WDR70: variants seen among roughly 807,000 people sequenced by gnomAD.
WDR70 encodes the protein WD repeat domain 70.
WDR70 carries 53 observed loss-of-function variants against 88.6 expected under a neutral mutation model. That is an observed-to-expected ratio of 0.60 (90% CI 0.48 to 0.75). The LOEUF (loss-of-function observed/expected upper bound fraction) is 0.75. WDR70 is among the 30% of genes least tolerant of loss of function. The pLI is 0.00. For missense variants in WDR70, 610 were observed against 823.2 expected, an observed-to-expected ratio of 0.74 and a Z score of 3.17; for synonymous variants, 280 against 270.0, an observed-to-expected ratio of 1.04 and a Z score of -0.36.
At chr5:37,666,519 ATC>A (rs1432267557) in intron 10 of WDR70, among the ~76,000 whole-genome samples, 1 of 152,140 alleles carries the variant, frequency 6.6e-6, no homozygotes, top group East Asian at 1.9e-4. Context: ...TGATAATTTT[ATC>A]TGTTTTCAGA....
intron 9 of WDR70, among the ~76,000 whole-genome samples, chr5:37,557,959 T>TTTGAACACTCTTCA: frequency 6.8e-6 from 1 of 146,506 alleles, no homozygotes; most frequent in African/African-American, 2.5e-5. Context: ...AAAAGAGTAT[T>TTTGAACACTCTTCA]ATGTATATTT....
At chr5:37,398,229 C>T (rs928266810) in intron 5 of WDR70, among the ~76,000 whole-genome samples, 2 of 151,618 alleles carry the variant, frequency 1.3e-5, no homozygotes, top group African/African-American at 4.8e-5. Context: ...GCTGAGACTA[C>T]AGGCACCCGC....
intron 4 of WDR70, among the ~76,000 whole-genome samples, chr5:37,393,017 A>G (rs796112687): frequency 4.6e-5 from 7 of 151,982 alleles, no homozygotes; most frequent in African/African-American, 1.7e-4. Context: ...CAGAAAATCA[A>G]CGTTTGTTTC....
rs543754116 is a variant in WDR70 at position 37,652,563 on chromosome 5, T to C, written c.1093-45092T>C. On this transcript the variant is annotated intron_variant, in intron 10 of 17. Transcript: ENST00000265107. The stretch of plus-strand genomic sequence containing the variant: ...CCATTTTCACGACATTGATTCTTCC[T>C]GTCCATGAGCATGGAATCCTTTTCC... Among the ~76,000 whole-genome samples the C allele has an allele frequency of 4.8e-4, 73 of 152,366 alleles. 1 individual carries two copies. The highest frequency in any genetic ancestry group is 1.6e-3 in the African/African-American group (67 of 41,592).
chr5:37,477,016 G>C (rs1180864901), intron 7 of WDR70, among the ~76,000 whole-genome samples: 2 of 152,224 alleles, frequency 1.3e-5, no homozygotes, highest in African/African-American at 4.8e-5. Flanking sequence ...GACCCGTGCA[G>C]TTCAAACCTT....
At chr5:37,386,175 C>G (rs868379091) in intron 3 of WDR70, among the ~76,000 whole-genome samples, 1 of 151,954 alleles carries the variant, frequency 6.6e-6, no homozygotes, top group African/African-American at 2.4e-5. Context: ...TATCCTCAAA[C>G]GATGGACAAA....
chr5:37,671,698 T>C (rs906952283), intron 10 of WDR70, among the ~76,000 whole-genome samples: 2 of 152,208 alleles, frequency 1.3e-5, no homozygotes, highest in Non-Finnish European at 2.9e-5. Context: ...CCTGCATTGA[T>C]AGATACACTA....
At chr5:37,699,282 A>G (rs1322355371) in intron 11 of WDR70, among the ~76,000 whole-genome samples, 1 of 151,346 alleles carries the variant, frequency 6.6e-6, no homozygotes, top group Non-Finnish European at 1.5e-5. Context: ...AACTAAGTCT[A>G]TTTCAGTCAA....
intron 2 of WDR70, among the ~76,000 whole-genome samples, chr5:37,380,366 T>TC (rs1466815952): frequency 6.6e-6 from 1 of 151,808 alleles, no homozygotes; most frequent in Non-Finnish European, 1.5e-5. Context: ...GGAGACGGAG[T>TC]CTCGCTCAGT....
chr5:37,495,053 C>T (rs1293798945), intron 8 of WDR70, among the ~76,000 whole-genome samples: 1 of 152,228 alleles, frequency 6.6e-6, no homozygotes, highest in Non-Finnish European at 1.5e-5. Context: ...TAGCAGAGAG[C>T]ATGTGGCCCA....
At chr5:37,557,959 T>TTTGACTACTCTTCAACAGCGTATG in intron 9 of WDR70, among the ~76,000 whole-genome samples, 1 of 146,506 alleles carries the variant, frequency 6.8e-6, no homozygotes, top group African/African-American at 2.5e-5. Context: ...AAAAGAGTAT[T>TTTGACTACTCTTCAACAGCGTATG]ATGTATATTT....
intron 9 of WDR70, among the ~76,000 whole-genome samples, chr5:37,528,629 A>G (rs1234991936): frequency 1.5e-4 from 3 of 20,152 alleles, no homozygotes; most frequent in African/African-American, 3.5e-4. Flanking sequence ...AAAGTATAAT[A>G]AAAAAAAACT....
At chr5:37,580,503 A>G (rs1340845069) in intron 9 of WDR70, among the ~76,000 whole-genome samples, 2 of 152,190 alleles carry the variant, frequency 1.3e-5, no homozygotes, top group Non-Finnish European at 2.9e-5. Flanking sequence ...AATGCCCCTA[A>G]TTGAATTCTA....
At chr5:37,496,396 G>C (rs1022128269) in intron 8 of WDR70, among the ~76,000 whole-genome samples, 1 of 152,144 alleles carries the variant, frequency 6.6e-6, no homozygotes, top group African/African-American at 2.4e-5. Context: ...CCTGAAGTCA[G>C]CCAGACCACG....
At chr5:37,736,532 A>G (rs1581537555) in intron 17 of WDR70, among the ~76,000 whole-genome samples, 2 of 150,728 alleles carry the variant, frequency 1.3e-5, no homozygotes, top group South Asian at 2.1e-4. Context: ...ACTAATTGTC[A>G]CTCTCCACTG....
chr5:37,749,434 G>A (rs1748734297), intron 17 of WDR70, among the ~76,000 whole-genome samples: 1 of 152,072 alleles, frequency 6.6e-6, no homozygotes, highest in Non-Finnish European at 1.5e-5. Context: ...ACACACCAGG[G>A]CCTTTTGGAC....
At chr5:37,550,144 C>T (rs938934906) in intron 9 of WDR70, among the ~76,000 whole-genome samples, 1 of 152,168 alleles carries the variant, frequency 6.6e-6, no homozygotes, top group African/African-American at 2.4e-5. Flanking sequence ...GGATTACAGG[C>T]GTGAACCACT....
At chr5:37,749,306 A>G (rs984551325) in intron 17 of WDR70, among the ~76,000 whole-genome samples, 70 of 152,114 alleles carry the variant, frequency 4.6e-4, no homozygotes, top group African/African-American at 1.7e-3. Flanking sequence ...TTGCAGGGAC[A>G]TGGATGAAGC....
chr5:37,410,584 A>T (rs1581256718), intron 5 of WDR70, among the ~76,000 whole-genome samples: 1 of 152,134 alleles, frequency 6.6e-6, no homozygotes, highest in African/African-American at 2.4e-5. Flanking sequence ...CCAATCATAT[A>T]TTAAGACCTC....
Sources: allele counts gnomAD v4.1 joint callset (sites outside exome capture counted in the v4.1 genomes callset), GRCh38; gene constraint gnomAD v4.1.1; transcripts MANE v1.5; gene names NCBI Gene and HGNC (gene_info 2026-07-23, HGNC 2026-07-21).